The following CDK5RAP2 variants were observed in gnomAD, a reference collection of about 807,000 sequenced individuals.
CDK5RAP2 encodes CDK5 regulatory subunit-associated protein 2.
A neutral mutation model predicts 232.9 loss-of-function variants in CDK5RAP2; 147 were observed. That is an observed-to-expected ratio of 0.63 (90% CI 0.55 to 0.72). CDK5RAP2 has a LOEUF of 0.72. CDK5RAP2 is among the 30% of genes least tolerant of loss of function. The pLI, the probability that CDK5RAP2 is intolerant of heterozygous loss-of-function variation, is 0.00. For synonymous variants in CDK5RAP2, 833 were observed against 833.7 expected, an observed-to-expected ratio of 1.00 and a Z score of 0.01; for missense variants, 2,195 against 2,231.5, an observed-to-expected ratio of 0.98 and a Z score of 0.33.
At chr9:120,433,750 G>T (rs1177768311) in intron 25 of CDK5RAP2, among the ~76,000 whole-genome samples, 2 of 152,180 alleles carry the variant, frequency 1.3e-5, no homozygotes, top group Non-Finnish European at 2.9e-5. Context: ...AGTAGGAAAA[G>T]TTTTTTGTCC....
intron 3 of CDK5RAP2, among the ~76,000 whole-genome samples, chr9:120,558,922 A>G (rs551622563): frequency 2.6e-5 from 4 of 152,310 alleles, no homozygotes; most frequent in African/African-American, 9.6e-5. Context: ...TAATCCACTT[A>G]ATCTTTCATG....
At chr9:120,510,490 A>C (rs2040026924) in intron 12 of CDK5RAP2, among the ~76,000 whole-genome samples, 1 of 152,210 alleles carries the variant, frequency 6.6e-6, no homozygotes, top group Non-Finnish European at 1.5e-5. Context: ...TGAGTAGAAT[A>C]CCAAGCGCCT....
intron 25 of CDK5RAP2, among the ~76,000 whole-genome samples, chr9:120,435,470 T>TACACACACACACACACAC (rs55654634): frequency 4.1e-5 from 6 of 147,304 alleles, no homozygotes; most frequent in African/African-American, 1.5e-4. Context: ...ATTACACATT[T>TACACACACACACACACAC]ACACACACAC....
At chr9:120,484,312 G>A (rs1261556517) in intron 14 of CDK5RAP2, among the ~76,000 whole-genome samples, 2 of 152,134 alleles carry the variant, frequency 1.3e-5, no homozygotes, top group African/African-American at 4.8e-5. Context: ...CGGGGGAGTC[G>A]GGGGTACGAC....
At chr9:120,555,143 G>A (rs1051867687) in intron 3 of CDK5RAP2, among the ~76,000 whole-genome samples, 1 of 149,596 alleles carries the variant, frequency 6.7e-6, no homozygotes, top group Non-Finnish European at 1.5e-5. Flanking sequence ...TTTGGGGGGG[G>A]GTGGGGGGCG....
At chr9:120,522,749 G>A (rs2040727046) in intron 11 of CDK5RAP2, among the ~76,000 whole-genome samples, 2 of 152,180 alleles carry the variant, frequency 1.3e-5, no homozygotes, top group African/African-American at 4.8e-5. Context: ...ATCACTTCAA[G>A]AGTTTAAATA....
chr9:120,515,052 GAGAGAGAC>G (rs2040268065), intron 12 of CDK5RAP2, among the ~76,000 whole-genome samples: 1 of 151,758 alleles, frequency 6.6e-6, no homozygotes, highest in African/African-American at 2.4e-5. Context: ...ATATATTATC[GAGAGAGAC>G]AGAGAGAGAG....
intron 1 of CDK5RAP2, among the ~76,000 whole-genome samples, chr9:120,578,421 C>T (rs2043115552): frequency 1.3e-5 from 2 of 152,154 alleles, no homozygotes; most frequent in East Asian, 1.9e-4. Context: ...TCACAGGACC[C>T]AATTAGACAG....
rs114134113 is a variant in CDK5RAP2 at position 120,477,708 on chromosome 9, C to T, written c.1627-258G>A. ...CTGCTTCCAACAGCTGCTAGGAAGA[C>T]GCACCAGCTATGGGATTAGCCCATC... On this transcript the variant is annotated intron_variant, in intron 14 of 37. Transcript: ENST00000349780. Among the ~76,000 whole-genome samples, 2,538 of 152,238 alleles carry T rather than the reference C, an allele frequency of 0.017. 75 individuals carry two copies. Among genetic ancestry groups the T allele is most frequent in the African/African-American group, 0.057 (2,377 of 41,500 alleles).
intron 12 of CDK5RAP2, among the ~76,000 whole-genome samples, chr9:120,515,964 C>T (rs555573860): frequency 1.4e-4 from 21 of 152,182 alleles, no homozygotes; most frequent in Non-Finnish European, 2.6e-4. Flanking sequence ...GTGGCGATTC[C>T]TCAGGGATCT....
rs2041091778 is a variant in CDK5RAP2, at chr9:120,530,268, TCA to T, written c.663-130_663-129del. On this transcript the variant is annotated intron_variant, in intron 7 of 37. Coordinates refer to ENST00000349780, the MANE Select transcript of CDK5RAP2 (RefSeq NM_018249.6). ...ATACAATGGCTGAACACAAACAGAATCACATTTTGCAGGTAGGAGATTAAGCG... is the reference window on the plus strand; with the variant it reads ...ATACAATGGCTGAACACAAACAGAATCATTTTGCAGGTAGGAGATTAAGCG... The T allele has an allele frequency of 4.5e-6, 3 of 672,512 alleles. No individual in the cohort carries two copies. In the African/African-American group the frequency reaches 5.4e-5, roughly 12 times the overall value. The allele number at this position is 672,512 out of a possible 1,614,324, so 41.7% of individuals were successfully genotyped here. A position where few individuals can be genotyped will look rare whatever the true frequency, so the allele number is the denominator to read the frequency against.
intron 14 of CDK5RAP2, among the ~76,000 whole-genome samples, chr9:120,487,033 T>G: frequency 6.6e-6 from 1 of 152,214 alleles, no homozygotes; most frequent in East Asian, 1.9e-4. Context: ...TCTTAAGAGG[T>G]GAGCCCTGAT....
At chr9:120,498,317 G>A (rs572988753) in intron 12 of CDK5RAP2, among the ~76,000 whole-genome samples, 23 of 152,272 alleles carry the variant, frequency 1.5e-4, no homozygotes, top group Middle Eastern at 3.4e-3. Context: ...ACGACCTGGT[G>A]TTGGGTCTGA....
chr9:120,507,807 T>C (rs925520760), intron 12 of CDK5RAP2, among the ~76,000 whole-genome samples: 4 of 149,022 alleles, frequency 2.7e-5, no homozygotes, highest in Admixed American at 6.7e-5. Context: ...ATTTCTACAC[T>C]AATGGGCAAT....
intron 21 of CDK5RAP2, among the ~76,000 whole-genome samples, chr9:120,448,897 T>C (rs1398129294): frequency 6.6e-6 from 1 of 152,172 alleles, no homozygotes; most frequent in Non-Finnish European, 1.5e-5. Flanking sequence ...TGCTGTTAGT[T>C]CTCACCTAAG....
intron 25 of CDK5RAP2, among the ~76,000 whole-genome samples, chr9:120,423,440 C>T (rs945577281): frequency 1.3e-4 from 20 of 152,114 alleles, no homozygotes; most frequent in African/African-American, 4.6e-4. Context: ...AAAAGGAGTA[C>T]ATGAGTACAG....
intron 18 of CDK5RAP2, 58 bp from the exon 19 acceptor site, chr9:120,460,725 A>G: frequency 6.2e-7 from 1 of 1,611,024 alleles, no homozygotes; most frequent in Non-Finnish European, 8.5e-7. Flanking sequence ...CAGCATGAAT[A>G]TGTATGAATA....
At chr9:120,396,939 T>C (rs1251690035) in intron 35 of CDK5RAP2, among the ~76,000 whole-genome samples, 1 of 152,234 alleles carries the variant, frequency 6.6e-6, no homozygotes, top group East Asian at 1.9e-4. Flanking sequence ...ACTTAATCTC[T>C]TGGAGTTTCC....
chr9:120,417,880 C>G (rs1028607477), intron 27 of CDK5RAP2, among the ~76,000 whole-genome samples: 5 of 152,058 alleles, frequency 3.3e-5, no homozygotes, highest in Non-Finnish European at 5.9e-5. Flanking sequence ...AAAAGCTTCA[C>G]GTTCACAGAT....
Sources: allele counts gnomAD v4.1 joint callset (sites outside exome capture counted in the v4.1 genomes callset), GRCh38; gene constraint gnomAD v4.1.1; transcripts MANE v1.5; gene names NCBI Gene and HGNC (gene_info 2026-07-23, HGNC 2026-07-21).